ZNF557: variants seen among roughly 807,000 people sequenced by gnomAD.
ZNF557 encodes the protein CTB-25J19.9.
In ZNF557, 19 loss-of-function variants were observed where a neutral mutation model predicts 21.2. That is an observed-to-expected ratio of 0.90 (90% CI 0.63 to 1.32). The LOEUF is 1.32. ZNF557 is among the 40% of genes most tolerant of loss of function. The probability of loss-of-function intolerance (pLI) is 0.00; values close to 1 mark genes in which losing one functional copy is unlikely to be tolerated. For missense variants in ZNF557, 487 were observed against 519.8 expected (o/e 0.94, Z 0.61); for synonymous variants, 207 against 194.8 (o/e 1.06, Z -0.52).
In ZNF557 at chr19:7,082,980, GAA is replaced by G. The variant is rs758985358; in HGVS notation, c.531_532del (p.Arg178ThrfsTer6). On this transcript the variant is annotated frameshift_variant, in exon 8 of 8. Coordinates refer to ENST00000252840, the MANE Select transcript of ZNF557 (RefSeq NM_024341.3). LOFTEE classifies it low-confidence loss of function (END_TRUNC). ...ACGGCACAGGAAGATTCATACTGGA[GAA>G]AGACCCTATGGCTGCAGTGAATGTG... ...LTRHRKIHTG[E>X]RPYGCSECGK... The G allele has an allele frequency of 6.2e-6, 10 of 1,614,050 alleles. No homozygotes were observed. The African/African-American group carries it at 1.3e-4, about 22-fold the overall frequency.
chr19:7,076,099 A>G (rs1430087774), intron 4 of ZNF557, among the ~76,000 whole-genome samples: 1 of 152,102 alleles, frequency 6.6e-6, no homozygotes, highest in African/African-American at 2.4e-5. Flanking sequence ...TCCCCTGGAG[A>G]CTGAGGGAAA....
At chr19:7,078,429 A>G (rs997985983) in intron 5 of ZNF557, among the ~76,000 whole-genome samples, 14 of 148,904 alleles carry the variant, frequency 9.4e-5, no homozygotes, top group Non-Finnish European at 1.6e-4. Context: ...ATTTTTACAT[A>G]TATTCCTTTT....
chr19:7,083,864 T>G lies in ZNF557; in HGVS notation c.*120T>G. On this transcript the variant is annotated 3_prime_UTR_variant, in exon 8 of 8. Coordinates refer to ENST00000252840, the MANE Select transcript of ZNF557 (RefSeq NM_024341.3). ...TAACAAATTACCCCCCAAAATTTTG[T>G]GGCTTCAAACAAAAACACTTGTTAT... The G allele has an allele frequency of 6.1e-6, 8 of 1,306,504 alleles. No homozygotes were observed. The highest frequency in any genetic ancestry group is 8.4e-6 in the Non-Finnish European group (8 of 951,134). 80.9% of individuals were successfully genotyped at this position (1,306,504 alleles called of 1,614,324 possible). A position where few individuals can be genotyped will look rare whatever the true frequency, so the allele number is the denominator to read the frequency against.
intron 2 of ZNF557, among the ~76,000 whole-genome samples, chr19:7,073,129 A>G (rs1468306813): frequency 6.7e-6 from 1 of 149,252 alleles, no homozygotes; most frequent in Non-Finnish European, 1.5e-5. Context: ...GAGAAATAAT[A>G]CAGATATTTG....
chr19:7,071,827 T>C (rs1425283443), intron 2 of ZNF557, among the ~76,000 whole-genome samples: 13 of 60,796 alleles, frequency 2.1e-4, no homozygotes, highest in East Asian at 8.7e-4. Context: ...AAAAAAAAGC[T>C]GGGCATGGTG....
chr19:7,076,564 T>C, intron 5 of ZNF557, 57 bp downstream of exon 5: 1 of 1,577,352 alleles, frequency 6.3e-7, no homozygotes, highest in South Asian at 1.2e-5. Context: ...AGTCTTTTTT[T>C]TCTTTTTTTA....
chr19:7,072,434 A>G (rs1356989849), intron 2 of ZNF557, among the ~76,000 whole-genome samples: 3 of 152,334 alleles, frequency 2.0e-5, no homozygotes, highest in East Asian at 1.9e-4. Context: ...AAATAAATAC[A>G]TAAAGATAAA....
At chr19:7,069,934 TCCTCACCCTGTCGC>T (rs993520008) in intron 1 of ZNF557, among the ~76,000 whole-genome samples, 161 bp downstream of exon 1, 15 of 152,214 alleles carry the variant, frequency 9.9e-5, no homozygotes, top group African/African-American at 3.1e-4. Context: ...CACTCTGTCG[TCCTCACCCTGTCGC>T]CCTCACCCGG....
Position 7,069,704 on chromosome 19 carries a change from T to C in ZNF557, c.-241T>C, listed in dbSNP as rs1977420235. ...GACCGGAAGCGGAAGCGCGCTTGTG[T>C]CTTGTGAGAAGAGCCGCGCTTGCAG... is the stretch of plus-strand genomic sequence containing the variant. On this transcript the variant is annotated 5_prime_UTR_variant, in exon 1 of 8. Transcript: ENST00000252840. 1 of 152,218 alleles carries C rather than the reference T, an allele frequency of 6.6e-6. No individual in the cohort carries two copies. The allele number at this position is 152,218 out of a possible 1,614,324, so 9.4% of individuals were successfully genotyped here.
intron 2 of ZNF557, among the ~76,000 whole-genome samples, chr19:7,072,022 A>G (rs1433382895): frequency 6.7e-6 from 1 of 150,038 alleles, no homozygotes; most frequent in Non-Finnish European, 1.5e-5. Context: ...AGGCTGAGGC[A>G]AGGGAATGGC....
chr19:7,070,969 T>C (rs184611995), intron 2 of ZNF557, among the ~76,000 whole-genome samples: 406 of 152,266 alleles, frequency 2.7e-3, no homozygotes, highest in African/African-American at 7.8e-3. Flanking sequence ...TGTTGCCATG[T>C]TGGCCAGGCT....
In ZNF557 at chr19:7,084,105, G is replaced by T; in HGVS notation, c.*361G>T. ...TCCAAATCACGTAGGCCTCTCAACA[G>T]GGCTGAGTTTCTTTATGGAAGCAAC... On this transcript the variant is annotated 3_prime_UTR_variant, in exon 8 of 8. Transcript: ENST00000252840. 5.0e-6 allele frequency: 1 copy of T among 198,834 alleles called. No homozygotes were observed. The highest frequency in any genetic ancestry group is 9.1e-5 in the South Asian group (1 of 11,010). 12.3% of individuals were successfully genotyped at this position (198,834 alleles called of 1,614,324 possible). A position where few individuals can be genotyped will look rare whatever the true frequency, so the allele number is the denominator to read the frequency against.
rs184220924 is a variant in ZNF557 at position 7,077,003 on chromosome 19, T to C, written c.247+496T>C. Among the ~76,000 whole-genome samples the C allele has an allele frequency of 1.1e-3, 163 of 152,170 alleles. 1 individual carries two copies. Among genetic ancestry groups the C allele is most frequent in the Non-Finnish European group, 1.2e-4 (8 of 68,002 alleles). On this transcript the variant is annotated intron_variant, in intron 5 of 7. Transcript: ENST00000252840. ...GCTCAGGTGATCCTCCTGCCTTAGC[T>C]TCCCAAAGTGCTGGGATTACAGATG... is the stretch of plus-strand genomic sequence containing the variant.
At chr19:7,078,920 G>T (rs1363014866) in intron 5 of ZNF557, among the ~76,000 whole-genome samples, 6 of 151,906 alleles carry the variant, frequency 3.9e-5, no homozygotes, top group African/African-American at 1.5e-4. Context: ...TTCACTAATT[G>T]TGTCTTCTGC....
intron 5 of ZNF557, among the ~76,000 whole-genome samples, chr19:7,079,281 A>C (rs551646981): frequency 7.8e-6 from 1 of 127,644 alleles, no homozygotes; most frequent in African/African-American, 3.0e-5. Context: ...TCACTCTGTC[A>C]CCCAGGCTGG....
rs935252728 is a variant in ZNF557 at position 7,081,509 on chromosome 19, G to A, written c.343+54G>A. ...TGAGGAACAGCTCTGGCCAGGGACT[G>A]AGAAGTTGGGAGTATTATAATACAT... is the stretch of plus-strand genomic sequence containing the variant. On this transcript the variant is annotated intron_variant, in intron 6 of 7. Coordinates refer to ENST00000252840, the MANE Select transcript of ZNF557 (RefSeq NM_024341.3). The A allele has an allele frequency of 2.2e-4, 254 of 1,139,990 alleles. 2 individuals carry two copies. Among genetic ancestry groups the A allele is most frequent in the Non-Finnish European group, 3.0e-4 (229 of 761,962 alleles). 70.6% of individuals were successfully genotyped at this position (1,139,990 alleles called of 1,614,324 possible). A position where few individuals can be genotyped will look rare whatever the true frequency, so the allele number is the denominator to read the frequency against.
chr19:7,076,079 G>A (rs775814841), intron 4 of ZNF557, among the ~76,000 whole-genome samples: 2 of 152,104 alleles, frequency 1.3e-5, no homozygotes, highest in East Asian at 1.9e-4. Context: ...GCCATGTCAC[G>A]GGCCCATGAT....
At chr19:7,076,160 G>A (rs375804511) in intron 4 of ZNF557, among the ~76,000 whole-genome samples, 2 of 152,322 alleles carry the variant, frequency 1.3e-5, no homozygotes, top group African/African-American at 2.4e-5. Flanking sequence ...CTGCTCTGCG[G>A]TACTGTGCGC....
intron 5 of ZNF557, among the ~76,000 whole-genome samples, chr19:7,080,283 G>A (rs977771354): frequency 8.5e-5 from 13 of 152,124 alleles, no homozygotes; most frequent in East Asian, 1.9e-4. Flanking sequence ...TAGCCTGGGC[G>A]ACAGAGCAAG....
Sources: gnomAD v4.1 joint callset for allele counts (sites outside exome capture counted in the v4.1 genomes callset) on GRCh38, gnomAD v4.1.1 for gene constraint, MANE v1.5 for transcripts, NCBI Gene and HGNC (gene_info 2026-07-23, HGNC 2026-07-21) for gene names.